SPAG9: variants seen among roughly 807,000 people sequenced by gnomAD.
The protein encoded by SPAG9 is C-Jun-amino-terminal kinase-interacting protein 4.
Under a neutral mutation model 166.5 loss-of-function variants are expected in SPAG9, and 35 were observed. The ratio of observed to expected loss-of-function variants is 0.21; its 90% confidence interval spans 0.16 to 0.28. SPAG9 has a LOEUF of 0.28. Among genes scored for constraint, SPAG9 ranks in the 10% least tolerant of loss-of-function variants. SPAG9 has a pLI of 1.00. For synonymous variants in SPAG9, 534 were observed against 565.5 expected, an observed-to-expected ratio of 0.94 and a Z score of 0.79; for missense variants, 1,235 against 1,603.3, an observed-to-expected ratio of 0.77 and a Z score of 3.92.
In SPAG9 at chr17:50,966,113, A is replaced by G; in HGVS notation, c.*159T>C. On this transcript the variant is annotated 3_prime_UTR_variant, in exon 30 of 30. Transcript: ENST00000262013. Reference sequence around the variant, plus strand: ...ACACAGCTAGTTCCTCTGTATTGTTATGGTAGAACGGATTTTGTAATATAA... The same window carrying G: ...ACACAGCTAGTTCCTCTGTATTGTTGTGGTAGAACGGATTTTGTAATATAA... The G allele has an allele frequency of 1.6e-6, 1 of 629,628 alleles. No homozygotes were observed. The highest frequency in any genetic ancestry group is 1.8e-5 in the South Asian group (1 of 55,154). The allele number at this position is 629,628 out of a possible 1,614,324, so 39.0% of individuals were successfully genotyped here. A position where few individuals can be genotyped will look rare whatever the true frequency, so the allele number is the denominator to read the frequency against.
At chr17:51,092,751 CAAAAAAA>C (rs200338786) in intron 1 of SPAG9, among the ~76,000 whole-genome samples, 49 of 54,226 alleles carry the variant, frequency 9.0e-4, no homozygotes, top group African/African-American at 2.1e-3. Context: ...CTTGTCTCTA[CAAAAAAA>C]AAAAAAAAAG....
intron 13 of SPAG9, 151 bp downstream of exon 13, chr17:51,001,564 T>G: frequency 1.5e-6 from 1 of 684,448 alleles, no homozygotes; most frequent in Non-Finnish European, 2.3e-6. Context: ...CACATTCTGT[T>G]GCTAATTCTG....
At chr17:50,980,013 G>T in intron 25 of SPAG9, 96 bp from the exon 26 acceptor site, 1 of 1,055,378 alleles carries the variant, frequency 9.5e-7, no homozygotes, top group Non-Finnish European at 1.4e-6. Context: ...ACTATTAAAA[G>T]ACAAGCCCAA....
intron 6 of SPAG9, among the ~76,000 whole-genome samples, chr17:51,024,713 CAA>C (rs35903769): frequency 8.7e-5 from 11 of 126,824 alleles, no homozygotes; most frequent in Non-Finnish European, 1.0e-4. Flanking sequence ...GACTCTGTCT[CAA>C]AAAAAAAAAA....
intron 27 of SPAG9, 159 bp from the exon 28 acceptor site, chr17:50,975,106 G>C: frequency 3.2e-6 from 2 of 620,028 alleles, no homozygotes; most frequent in Non-Finnish European, 5.3e-6. Flanking sequence ...GGGAAAAAAA[G>C]AGATACAGCA....
At chr17:51,057,706 T>C (rs1295063731) in intron 2 of SPAG9, among the ~76,000 whole-genome samples, 2 of 152,218 alleles carry the variant, frequency 1.3e-5, no homozygotes, top group African/African-American at 4.8e-5. Context: ...TTCAAGCTTA[T>C]GTGTCGCTGG....
intron 1 of SPAG9, among the ~76,000 whole-genome samples, chr17:51,108,155 G>A (rs965817549): frequency 4.6e-5 from 7 of 151,732 alleles, no homozygotes; most frequent in Non-Finnish European, 7.4e-5. Flanking sequence ...GGGAGGCTGA[G>A]GCAGGCAGGT....
At chr17:51,095,675 TATATATATAGTGATATATATATAGTG>T (rs1260367825) in intron 1 of SPAG9, among the ~76,000 whole-genome samples, 2 of 148,688 alleles carry the variant, frequency 1.3e-5, no homozygotes, top group African/African-American at 5.0e-5. Context: ...AATGTGTATA[TATATATATAGTGATATATATATAGTG>T]ATATATATAG....
At chr17:51,094,612 A>G (rs770558591) in intron 1 of SPAG9, among the ~76,000 whole-genome samples, 41 of 152,348 alleles carry the variant, frequency 2.7e-4, no homozygotes, top group Admixed American at 5.2e-4. Flanking sequence ...TTTAGCTGAT[A>G]AATGTTGAAG....
chr17:50,990,606 C>T lies in SPAG9; in HGVS notation c.2461G>A (p.Ala821Thr), dbSNP rs1357625475. Residue 821 changes from alanine (A) to threonine (T), a missense_variant, in exon 20 of 30, where the codon GCA becomes ACA. Ala to Thr is a moderately conservative substitution (Grantham distance 58). Around this residue, in one of 6 missense-constraint regions of SPAG9, gnomAD observed 493 missense variants for 559.4 expected, o/e 0.88. Transcript: ENST00000262013. ...DLSESGQVDKASLCGSMTSNS... is the reference protein window; with the variant it reads ...DLSESGQVDKTSLCGSMTSNS... Reference sequence around the variant, plus strand: ...CTTGTCATACTTCCACATAAAGATGCTTTGTCTACCTGACCAGATTCTGAA... The same window carrying T: ...CTTGTCATACTTCCACATAAAGATGTTTTGTCTACCTGACCAGATTCTGAA... 1.9e-6 allele frequency: 3 copies of T among 1,614,092 alleles called. No homozygotes were observed. Among genetic ancestry groups the T allele is most frequent in the African/African-American group, 1.3e-5 (1 of 74,938 alleles).
intron 6 of SPAG9, among the ~76,000 whole-genome samples, chr17:51,027,669 T>G (rs2144258454): frequency 6.6e-6 from 1 of 152,306 alleles, no homozygotes; most frequent in African/African-American, 2.4e-5. Context: ...AATGCCCTAG[T>G]GTGTTAACAA....
At chr17:51,044,258 A>G (rs548340851) in intron 4 of SPAG9, among the ~76,000 whole-genome samples, 67 of 152,328 alleles carry the variant, frequency 4.4e-4, no homozygotes, top group African/African-American at 1.6e-3. Context: ...TTAGTCCAGT[A>G]CTATGTTGGC....
At chr17:50,976,331 T>A (rs1974205861) in intron 27 of SPAG9, among the ~76,000 whole-genome samples, 1 of 152,158 alleles carries the variant, frequency 6.6e-6, no homozygotes, top group Non-Finnish European at 1.5e-5. Context: ...CTGGAATCTC[T>A]TAGGATATAA....
At position 51,033,398 on chromosome 17, in the gene SPAG9, A is replaced by T. The variant is rs558953845; in HGVS notation, c.742-1676T>A. Among the ~76,000 whole-genome samples the T allele has an allele frequency of 1.4e-4, 21 of 152,266 alleles. No individual in the cohort carries two copies. The South Asian group carries it at 4.4e-3, about 32-fold the overall frequency. ...ATTATATCTATGTGCACCTGTAAAG[A>T]AAAAGGCCAAGGATACATCAACTAT... On this transcript the variant is annotated intron_variant, in intron 5 of 29. Coordinates refer to ENST00000262013, the MANE Select transcript of SPAG9 (RefSeq NM_001130528.3).
chr17:51,036,570 G>A (rs182341671), intron 5 of SPAG9, among the ~76,000 whole-genome samples: 38 of 151,916 alleles, frequency 2.5e-4, no homozygotes, highest in African/African-American at 8.7e-4. Flanking sequence ...ACACACAGAT[G>A]CTGCCTTCCT....
intron 1 of SPAG9, among the ~76,000 whole-genome samples, chr17:51,103,227 C>T (rs2048853556): frequency 6.6e-6 from 1 of 152,084 alleles, no homozygotes; most frequent in Admixed American, 6.6e-5. Flanking sequence ...TTAGCATATC[C>T]ATCCATCCAA....
chr17:50,998,231 C>T (rs1054932653), intron 15 of SPAG9, among the ~76,000 whole-genome samples: 5 of 151,772 alleles, frequency 3.3e-5, no homozygotes, highest in Admixed American at 2.0e-4. Context: ...GGGGTTTCAC[C>T]ATATTGGCCA....
At chr17:51,021,776 G>A (rs1202060752) in intron 6 of SPAG9, among the ~76,000 whole-genome samples, 2 of 151,844 alleles carry the variant, frequency 1.3e-5, no homozygotes, top group Non-Finnish European at 2.9e-5. Flanking sequence ...CTTAACCTCG[G>A]GTATCTTTGT....
At chr17:51,015,174 T>C (rs2045644854) in intron 8 of SPAG9, among the ~76,000 whole-genome samples, 1 of 151,954 alleles carries the variant, frequency 6.6e-6, no homozygotes, top group African/African-American at 2.4e-5. Context: ...GGGCAAACAG[T>C]AGAAAGTGAT....
Sources: gnomAD v4.1 joint callset for allele counts (sites outside exome capture counted in the v4.1 genomes callset) on GRCh38, gnomAD v4.1.1 for gene constraint, gnomAD v4.1.1 regional missense constraint, MANE v1.5 for transcripts, NCBI Gene and HGNC (gene_info 2026-07-23, HGNC 2026-07-21) for gene names.